GBF1: variants seen among roughly 807,000 people sequenced by gnomAD.
GBF1 encodes Golgi-specific brefeldin A-resistance guanine nucleotide exchange factor 1.
In GBF1, 114 loss-of-function variants were observed where a neutral mutation model predicts 210.5. The observed-to-expected ratio is 0.54, with a 90% CI of 0.47 to 0.63. The LOEUF is 0.63. GBF1 is among the 30% of genes least tolerant of loss of function. The probability of loss-of-function intolerance (pLI) is 0.00; values close to 1 mark genes in which losing one functional copy is unlikely to be tolerated. For synonymous variants in GBF1, 850 were observed against 889.2 expected (o/e 0.96, Z 0.78); for missense variants, 1,851 against 2,357.7 (o/e 0.79, Z 4.45).
At chr10:102,306,409 G>C (rs573649163) in intron 3 of GBF1, among the ~76,000 whole-genome samples, 37 of 152,114 alleles carry the variant, frequency 2.4e-4, no homozygotes, top group African/African-American at 8.7e-4. Flanking sequence ...CTCTGGGAGG[G>C]ACTGTCTCTT....
At chr10:102,294,671 C>T (rs542455616) in intron 3 of GBF1, among the ~76,000 whole-genome samples, 15 of 152,134 alleles carry the variant, frequency 9.9e-5, no homozygotes, top group Admixed American at 2.6e-4. Flanking sequence ...TCACCATGCC[C>T]GGCCCATTTT....
In GBF1 at chr10:102,375,569, G is replaced by A; in HGVS notation, c.3871G>A (p.Asp1291Asn). The A allele has an allele frequency of 6.2e-7, 1 of 1,608,668 alleles. No homozygotes were observed. The highest frequency in any genetic ancestry group is 8.5e-7 in the Non-Finnish European group (1 of 1,175,244). Residue 1291 changes from aspartate (D) to asparagine (N), a missense_variant, in exon 30 of 40, where the codon GAT becomes AAT. Physicochemically the swap from Asp to Asn is conservative, Grantham distance 23. Around this residue, in one of 3 missense-constraint regions of GBF1, gnomAD observed 967 missense variants for 1,247.7 expected, o/e 0.78. Coordinates refer to ENST00000369983, the MANE Select transcript of GBF1 (RefSeq NM_001377137.1). ...PAALQATARA[D>N]APDAGAQSDS... ...TGCTCTGCAGGCCACAGCCAGGGCA[G>A]ATGCACCTGATGCCGGTAAGCCCTT...
intron 18 of GBF1, 45 bp downstream of exon 18, chr10:102,365,644 C>T: frequency 6.6e-7 from 1 of 1,504,738 alleles, no homozygotes; most frequent in Non-Finnish European, 9.3e-7. Flanking sequence ...GGTATGGTGG[C>T]TCATGCCTGT....
Position 102,365,495 on chromosome 10 carries a change from A to G in GBF1, c.2205A>G (p.Thr735=), listed in dbSNP as rs746761931. Residue 735 remains threonine, a synonymous_variant, in exon 18 of 40, where the codon ACA becomes ACG. Coordinates refer to ENST00000369983, the MANE Select transcript of GBF1 (RefSeq NM_001377137.1). ...TCCTCACCATCCCAATGGACAACAC[A>G]GAGGTTGCTCAGTGGCTCCGAGAGA... is the stretch of plus-strand genomic sequence containing the variant. ...KGLLTIPMDN[T]EVAQWLRENP... 11 of 1,614,044 alleles carry G rather than the reference A, an allele frequency of 6.8e-6. No individual in the cohort carries two copies. Among genetic ancestry groups the G allele is most frequent in the Non-Finnish European group, 9.3e-6 (11 of 1,179,876 alleles).
chr10:102,311,911 T>C (rs1395738100), intron 3 of GBF1, among the ~76,000 whole-genome samples: 1 of 152,192 alleles, frequency 6.6e-6, no homozygotes, highest in African/African-American at 2.4e-5. Flanking sequence ...TTCCCTCAGC[T>C]CCTCCTTTAC....
chr10:102,336,734 CT>C (rs1293432686), intron 3 of GBF1, among the ~76,000 whole-genome samples: 1 of 152,118 alleles, frequency 6.6e-6, no homozygotes. Flanking sequence ...ACTAACTGGC[CT>C]TGTACAAATT....
rs1252571478 is a variant in GBF1 at position 102,380,333 on chromosome 10, TA to T, written c.4964del (p.Tyr1655SerfsTer18). ...WLTILDFMDK[Y>X]MHAGSSDLLS... ...CACCATCTTGGACTTCATGGACAAG[TA>T]CATGCACGCAGGCTCCAGCGACTTA... On this transcript the variant is annotated frameshift_variant, in exon 37 of 40. Coordinates refer to ENST00000369983, the MANE Select transcript of GBF1 (RefSeq NM_001377137.1). LOFTEE classifies it high-confidence loss of function. The T allele has an allele frequency of 6.2e-7, 1 of 1,613,600 alleles. No homozygotes were observed. Among genetic ancestry groups the T allele is most frequent in the South Asian group, 1.1e-5 (1 of 91,076 alleles).
intron 3 of GBF1, among the ~76,000 whole-genome samples, chr10:102,272,324 C>T (rs577186841): frequency 6.6e-6 from 1 of 152,206 alleles, no homozygotes; most frequent in South Asian, 2.1e-4. Flanking sequence ...AGGCTGGTTT[C>T]GAACTCCTGA....
intron 1 of GBF1, among the ~76,000 whole-genome samples, chr10:102,249,764 T>C (rs903083771): frequency 1.3e-5 from 2 of 151,616 alleles, no homozygotes; most frequent in African/African-American, 4.9e-5. Flanking sequence ...TGATCTTGGC[T>C]CACTGCAACC....
chr10:102,303,860 A>G (rs80087536), intron 3 of GBF1, among the ~76,000 whole-genome samples: 1,880 of 152,224 alleles, frequency 0.012, 33 homozygotes, highest in African/African-American at 0.043. Flanking sequence ...TTTTAAATAC[A>G]TTATTTTGTT....
intron 4 of GBF1, among the ~76,000 whole-genome samples, chr10:102,348,175 A>T (rs534324481): frequency 6.6e-6 from 1 of 152,206 alleles, no homozygotes; most frequent in African/African-American, 2.4e-5. Context: ...GAGCTCCGGC[A>T]ATCTGCCCAC....
At chr10:102,258,774 C>CAAAAAAAAAAAAAAAAAAAAAAA (rs74634439) in intron 1 of GBF1, among the ~76,000 whole-genome samples, 155 bp from the exon 2 acceptor site, 1 of 79,692 alleles carries the variant, frequency 1.3e-5, no homozygotes, top group Non-Finnish European at 2.8e-5. Context: ...AACTCTGCCT[C>CAAAAAAAAAAAAAAAAAAAAAAA]AAAAAAAAAA....
chr10:102,352,227 C>T (rs2059029527), intron 6 of GBF1, among the ~76,000 whole-genome samples: 1 of 152,192 alleles, frequency 6.6e-6, no homozygotes, highest in Admixed American at 6.5e-5. Context: ...GGGATTGACA[C>T]CAACCTGCAA....
intron 2 of GBF1, 58 bp downstream of exon 2, chr10:102,259,092 C>A: frequency 1.1e-6 from 1 of 876,494 alleles, no homozygotes; most frequent in Non-Finnish European, 2.0e-6. Context: ...GATCTGTTGG[C>A]ATGGTTAAAA....
At chr10:102,230,938 G>A in the GBF1 span, 1 of 1,609,350 alleles carries the variant, frequency 6.2e-7, no homozygotes. Flanking sequence ...GAGCGGCGGG[G>A]CAAGAGCCTT....
upstream of GBF1, among the ~76,000 whole-genome samples, chr10:102,244,498 T>A (rs1365117941): frequency 6.6e-6 from 1 of 152,178 alleles, no homozygotes; most frequent in Non-Finnish European, 1.5e-5. Flanking sequence ...CTATCATCTC[T>A]TGCAAGGGGA....
chr10:102,375,509 C>T lies in GBF1; in HGVS notation c.3811C>T (p.Leu1271=), dbSNP rs779606069. The stretch of plus-strand genomic sequence containing the variant: ...TGACTGGGCCACACTCTTCACACTG[C>T]TGGAGTGCATCGGCTCAGGTGTGAA... The part of the protein sequence containing the change: ...GDDWATLFTL[L]ECIGSGVKPP... Residue 1271 remains leucine (L), a synonymous_variant, in exon 30 of 40, where the codon CTG becomes TTG. Coordinates refer to ENST00000369983, the MANE Select transcript of GBF1 (RefSeq NM_001377137.1). 3 of 1,614,034 alleles carry T rather than the reference C, an allele frequency of 1.9e-6. No individual in the cohort carries two copies. The highest frequency in any genetic ancestry group is 3.3e-4 in the Middle Eastern group (2 of 6,060).
At chr10:102,337,301 G>GC (rs57967032) in intron 3 of GBF1, among the ~76,000 whole-genome samples, 7 of 149,872 alleles carry the variant, frequency 4.7e-5, no homozygotes, top group Non-Finnish European at 8.8e-5. Flanking sequence ...TGGTGCGTGG[G>GC]GGAGCTTGCA....
intron 3 of GBF1, among the ~76,000 whole-genome samples, chr10:102,325,317 G>A (rs1221338533): frequency 6.6e-6 from 1 of 152,128 alleles, no homozygotes. Context: ...GGGAGGCCAA[G>A]GCAGGCGGAT....
Sources: allele counts gnomAD v4.1 joint callset (sites outside exome capture counted in the v4.1 genomes callset), GRCh38; gene constraint gnomAD v4.1.1; regional missense constraint gnomAD v4.1.1; transcripts MANE v1.5; gene names NCBI Gene and HGNC (gene_info 2026-07-23, HGNC 2026-07-21).